The following CHMP4C variants were observed in gnomAD, a reference collection of about 807,000 sequenced individuals.
CHMP4C encodes the protein charged multivesicular body protein 4C, also known as SNF7 homolog associated with Alix 3.
A neutral mutation model predicts 29.0 loss-of-function variants in CHMP4C; 28 were observed. The observed-to-expected ratio is 0.97, with a 90% CI of 0.72 to 1.32. The LOEUF (loss-of-function observed/expected upper bound fraction) is 1.32, where lower values mean the gene tolerates loss of function less well. CHMP4C is among the 40% of genes most tolerant of loss of function. CHMP4C has a pLI of 0.00. For missense variants in CHMP4C, 291 were observed against 281.0 expected, an observed-to-expected ratio of 1.04 and a Z score of -0.25; for synonymous variants, 106 against 102.4, an observed-to-expected ratio of 1.04 and a Z score of -0.21.
chr8:81,754,630 C>T (rs1469104267), intron 2 of CHMP4C, among the ~76,000 whole-genome samples: 1 of 152,090 alleles, frequency 6.6e-6, no homozygotes, highest in Non-Finnish European at 1.5e-5. Context: ...GGAGGAATTA[C>T]TCAGAGATAA....
At chr8:81,739,811 T>C (rs182118151) in intron 1 of CHMP4C, among the ~76,000 whole-genome samples, 3 of 152,232 alleles carry the variant, frequency 2.0e-5, no homozygotes, top group East Asian at 3.8e-4. Flanking sequence ...GTTCTGTTAA[T>C]ACTGTCTCAA....
intron 1 of CHMP4C, among the ~76,000 whole-genome samples, chr8:81,744,862 T>C (rs959151691): frequency 2.6e-5 from 4 of 152,180 alleles, no homozygotes; most frequent in Non-Finnish European, 5.9e-5. Flanking sequence ...TAATACATAC[T>C]TGTTAAGTGA....
chr8:81,737,969 T>C (rs533180761), intron 1 of CHMP4C, among the ~76,000 whole-genome samples: 1 of 152,358 alleles, frequency 6.6e-6, no homozygotes, highest in Admixed American at 6.5e-5. Context: ...TCAAGTCTCC[T>C]GTTCCTTGCC....
rs556990350 is a variant in CHMP4C at position 81,756,085 on chromosome 8, G to A, written c.483+601G>A. Among the ~76,000 whole-genome samples, 3 of 152,266 alleles carry A rather than the reference G, an allele frequency of 2.0e-5. No individual in the cohort carries two copies. The South Asian group carries it at 6.2e-4, about 32-fold the overall frequency. On this transcript the variant is annotated intron_variant, in intron 3 of 4. Transcript: ENST00000297265. ...AGAAACATTTCCAAAGCTTGGATTA[G>A]CATGGCAAAGAATCCAACTTCCTGC... is the stretch of plus-strand genomic sequence containing the variant.
rs538835083 is a variant in CHMP4C, at chr8:81,751,212, G to A, written c.191-1852G>A. On this transcript the variant is annotated intron_variant, in intron 1 of 4. Coordinates refer to ENST00000297265, the MANE Select transcript of CHMP4C (RefSeq NM_152284.4). Reference sequence around the variant, plus strand: ...TAAAGTTTTACTCCAGTAAAATAAAGAAGCAATCCAAGAAAGAGGACAATA... The same window carrying A: ...TAAAGTTTTACTCCAGTAAAATAAAAAAGCAATCCAAGAAAGAGGACAATA... Among the ~76,000 whole-genome samples the A allele has an allele frequency of 1.1e-3, 160 of 152,130 alleles. 1 individual carries two copies. The highest frequency in any genetic ancestry group is 2.0e-3 in the Non-Finnish European group (138 of 67,966).
At chr8:81,745,414 GA>G (rs1808810215) in intron 1 of CHMP4C, among the ~76,000 whole-genome samples, 1 of 152,154 alleles carries the variant, frequency 6.6e-6, no homozygotes, top group Non-Finnish European at 1.5e-5. Context: ...CCTGTGTGCT[GA>G]CTAATGGATT....
chr8:81,754,533 A>C (rs1019701126), intron 2 of CHMP4C, among the ~76,000 whole-genome samples: 1 of 152,152 alleles, frequency 6.6e-6, no homozygotes, highest in African/African-American at 2.4e-5. Context: ...TCCACTGGGA[A>C]TCAAACTTTT....
At chr8:81,732,841 CG>C (rs1194573744) in intron 1 of CHMP4C, 25 bp downstream of exon 1, 1 of 1,598,840 alleles carries the variant, frequency 6.3e-7, no homozygotes, top group Non-Finnish European at 8.5e-7. Context: ...GGCCCACAGG[CG>C]GGAGCCCATC....
chr8:81,750,595 C>T (rs560901393), intron 1 of CHMP4C, among the ~76,000 whole-genome samples: 2 of 151,868 alleles, frequency 1.3e-5, no homozygotes, highest in African/African-American at 2.4e-5. Flanking sequence ...CAGAGTGATA[C>T]CCTGTGTCAA....
chr8:81,756,433 T>C (rs1354475345), intron 3 of CHMP4C, among the ~76,000 whole-genome samples: 1 of 152,206 alleles, frequency 6.6e-6, no homozygotes, highest in Non-Finnish European at 1.5e-5. Flanking sequence ...TGTAGACTAG[T>C]AAGCATCTAG....
intron 1 of CHMP4C, among the ~76,000 whole-genome samples, chr8:81,737,799 CT>C: frequency 6.6e-6 from 1 of 152,186 alleles, no homozygotes; most frequent in Non-Finnish European, 1.5e-5. Flanking sequence ...CAGTGCAGTG[CT>C]TTATAAACAT....
intron 1 of CHMP4C, among the ~76,000 whole-genome samples, chr8:81,751,982 G>T (rs1382630512): frequency 1.3e-5 from 2 of 151,786 alleles, no homozygotes; most frequent in African/African-American, 2.4e-5. Flanking sequence ...AGAATGAATG[G>T]GATAGAGAGT....
At chr8:81,755,891 C>T (rs1808966446) in intron 3 of CHMP4C, among the ~76,000 whole-genome samples, 1 of 152,158 alleles carries the variant, frequency 6.6e-6, no homozygotes, top group Non-Finnish European at 1.5e-5. Context: ...CTGTTTATTA[C>T]TCAGGCTATG....
chr8:81,744,554 G>A (rs1459414304), intron 1 of CHMP4C, among the ~76,000 whole-genome samples: 1 of 152,106 alleles, frequency 6.6e-6, no homozygotes, highest in African/African-American at 2.4e-5. Flanking sequence ...CGATGTCTGT[G>A]AAGCCTTCCC....
At chr8:81,752,251 T>C (rs1351371342) in intron 1 of CHMP4C, among the ~76,000 whole-genome samples, 1 of 152,194 alleles carries the variant, frequency 6.6e-6, no homozygotes, top group Non-Finnish European at 1.5e-5. Flanking sequence ...ATTCTGCTGC[T>C]GCTCTTTTCC....
At chr8:81,739,735 C>T (rs2130477188) in intron 1 of CHMP4C, among the ~76,000 whole-genome samples, 1 of 152,334 alleles carries the variant, frequency 6.6e-6, no homozygotes, top group South Asian at 2.1e-4. Context: ...CCAATATAGA[C>T]TAACACTGCA....
chr8:81,732,876 A>T, intron 1 of CHMP4C, 60 bp downstream of exon 1: 1 of 1,512,184 alleles, frequency 6.6e-7, no homozygotes, highest in Non-Finnish European at 9.0e-7. Flanking sequence ...TCCCTTGGGG[A>T]CAATCGGCCC....
At chr8:81,743,458 T>C (rs1233346578) in intron 1 of CHMP4C, among the ~76,000 whole-genome samples, 2 of 152,044 alleles carry the variant, frequency 1.3e-5, no homozygotes, top group East Asian at 3.8e-4. Flanking sequence ...AATAAAAGAC[T>C]CATTTATTCA....
At chr8:81,750,608 C>CA (rs1469955496) in intron 1 of CHMP4C, among the ~76,000 whole-genome samples, 1 of 151,324 alleles carries the variant, frequency 6.6e-6, no homozygotes, top group African/African-American at 2.4e-5. Flanking sequence ...TGTGTCAAAA[C>CA]AAAAAAATAT....
Sources: allele counts gnomAD v4.1 joint callset (sites outside exome capture counted in the v4.1 genomes callset), GRCh38; gene constraint gnomAD v4.1.1; transcripts MANE v1.5; gene names NCBI Gene and HGNC (gene_info 2026-07-23, HGNC 2026-07-21).